The following PCDH9 variants were observed in gnomAD, a reference collection of about 807,000 sequenced individuals.
PCDH9 encodes protocadherin-9.
Under a neutral mutation model 70.6 loss-of-function variants are expected in PCDH9, and 24 were observed. The observed-to-expected ratio is 0.34, with a 90% confidence interval of 0.25 to 0.48. PCDH9 has a LOEUF of 0.48. Among genes scored for constraint, PCDH9 ranks in the 20% least tolerant of loss-of-function variants. PCDH9 has a pLI of 0.99. For missense variants in PCDH9, 1,281 were observed against 1,503.6 expected (o/e 0.85, Z 2.45); for synonymous variants, 562 against 558.5 (o/e 1.01, Z -0.09).
chr13:66,686,669 T>C (rs1593893969), intron 3 of PCDH9, among the ~76,000 whole-genome samples: 1 of 152,170 alleles, frequency 6.6e-6, no homozygotes, highest in Non-Finnish European at 1.5e-5. Flanking sequence ...TAACCATTTT[T>C]TACTTCCTAC....
chr13:66,343,637 G>A (rs941049484), intron 4 of PCDH9, among the ~76,000 whole-genome samples: 14 of 152,268 alleles, frequency 9.2e-5, no homozygotes, highest in African/African-American at 1.9e-4. Context: ...ATATATCTGC[G>A]TGTAAGCACT....
intron 2 of PCDH9, among the ~76,000 whole-genome samples, chr13:67,145,925 C>T (rs2087512026): frequency 6.6e-6 from 1 of 151,982 alleles, no homozygotes; most frequent in African/African-American, 2.4e-5. Context: ...TTAACACTTG[C>T]TTTTGAAAGA....
At chr13:66,869,245 G>A (rs1028715586) in intron 3 of PCDH9, among the ~76,000 whole-genome samples, 2 of 152,112 alleles carry the variant, frequency 1.3e-5, no homozygotes, top group African/African-American at 2.4e-5. Flanking sequence ...ACAATTAACA[G>A]TAGTAGCAAT....
intron 3 of PCDH9, among the ~76,000 whole-genome samples, chr13:66,707,252 T>A (rs1354825903): frequency 6.6e-6 from 1 of 152,178 alleles, no homozygotes; most frequent in Non-Finnish European, 1.5e-5. Flanking sequence ...GTAATTTTAA[T>A]TTTTTGTCGT....
At chr13:67,206,569 GA>G (rs1279411460) in intron 2 of PCDH9, 1 of 152,152 alleles carries the variant, frequency 6.6e-6, no homozygotes, top group African/African-American at 2.4e-5. Context: ...GATGAAAGTG[GA>G]AAACCTACTC....
At chr13:66,544,066 T>C (rs1427552387) in intron 4 of PCDH9, among the ~76,000 whole-genome samples, 1 of 152,208 alleles carries the variant, frequency 6.6e-6, no homozygotes, top group African/African-American at 2.4e-5. Flanking sequence ...TGTACCATCA[T>C]TGAATTATTT....
chr13:66,942,864 C>T (rs2083028129), intron 2 of PCDH9, among the ~76,000 whole-genome samples: 1 of 152,020 alleles, frequency 6.6e-6, no homozygotes, highest in Non-Finnish European at 1.5e-5. Flanking sequence ...GTTTGACTAC[C>T]CATAGAAAAA....
chr13:66,681,558 C>T (rs1219003741), intron 3 of PCDH9, among the ~76,000 whole-genome samples: 3 of 152,058 alleles, frequency 2.0e-5, no homozygotes, highest in Non-Finnish European at 4.4e-5. Context: ...TTCCCCTGGC[C>T]TCTTCTTTTT....
intron 4 of PCDH9, among the ~76,000 whole-genome samples, chr13:66,537,516 G>A (rs932607014): frequency 2.6e-5 from 4 of 152,068 alleles, no homozygotes; most frequent in Non-Finnish European, 4.4e-5. Flanking sequence ...CAGATACTGG[G>A]CCAAGAGCAT....
chr13:67,152,541 C>G (rs1055267688), intron 2 of PCDH9, among the ~76,000 whole-genome samples: 1 of 152,094 alleles, frequency 6.6e-6, no homozygotes, highest in African/African-American at 2.4e-5. Flanking sequence ...AAATCGAATC[C>G]CCTTAGACAT....
chr13:66,715,188 T>C (rs2078852782), intron 3 of PCDH9, among the ~76,000 whole-genome samples: 1 of 152,156 alleles, frequency 6.6e-6, no homozygotes, highest in Non-Finnish European at 1.5e-5. Flanking sequence ...CAGAGATCCC[T>C]CCAACTTCAA....
intron 3 of PCDH9, among the ~76,000 whole-genome samples, chr13:66,746,620 A>G (rs1354588234): frequency 6.6e-6 from 1 of 152,214 alleles, no homozygotes; most frequent in Non-Finnish European, 1.5e-5. Context: ...AGTGAAAATA[A>G]GTATATACAA....
At chr13:67,085,736 C>A (rs2086093972) in intron 2 of PCDH9, among the ~76,000 whole-genome samples, 2 of 152,182 alleles carry the variant, frequency 1.3e-5, no homozygotes, top group African/African-American at 4.8e-5. Flanking sequence ...CAAACAATTT[C>A]ATCCCTTGAC....
chr13:66,388,891 T>A (rs1055049330), intron 4 of PCDH9, among the ~76,000 whole-genome samples: 1 of 152,140 alleles, frequency 6.6e-6, no homozygotes, highest in Non-Finnish European at 1.5e-5. Context: ...CAGATCATAT[T>A]TCCAAGAAAC....
intron 3 of PCDH9, among the ~76,000 whole-genome samples, chr13:66,773,513 C>T (rs2079842153): frequency 1.3e-5 from 2 of 151,126 alleles, no homozygotes; most frequent in African/African-American, 2.4e-5. Flanking sequence ...CGCCTGTAGT[C>T]CCAGCTTCTC....
At chr13:67,155,848 C>T (rs982959044) in intron 2 of PCDH9, among the ~76,000 whole-genome samples, 1 of 152,020 alleles carries the variant, frequency 6.6e-6, no homozygotes, top group Non-Finnish European at 1.5e-5. Context: ...TGTCTAAATT[C>T]TATTCATACC....
chr13:66,864,673 G>T (rs1594171153), intron 3 of PCDH9, among the ~76,000 whole-genome samples: 2 of 152,094 alleles, frequency 1.3e-5, no homozygotes, highest in South Asian at 4.1e-4. Context: ...AATTTCTCTG[G>T]AATTCTCTCT....
intron 3 of PCDH9, among the ~76,000 whole-genome samples, chr13:66,769,116 A>G (rs1399095793): frequency 2.0e-5 from 3 of 152,126 alleles, no homozygotes; most frequent in Non-Finnish European, 4.4e-5. Context: ...TAAAAATATC[A>G]TCTTTATTAA....
At chr13:67,056,531 G>C (rs12874118) in intron 2 of PCDH9, among the ~76,000 whole-genome samples, 2 of 152,124 alleles carry the variant, frequency 1.3e-5, no homozygotes, top group African/African-American at 4.8e-5. Context: ...AGCCTCCTTA[G>C]AGTTACTTGC....
Sources: gnomAD v4.1 joint callset for allele counts (sites outside exome capture counted in the v4.1 genomes callset) on GRCh38, gnomAD v4.1.1 for gene constraint, MANE v1.5 for transcripts, NCBI Gene and HGNC (gene_info 2026-07-23, HGNC 2026-07-21) for gene names.